DLGAP2: variants seen among roughly 807,000 people sequenced by gnomAD.
DLGAP2 encodes disks large-associated protein 2.
Under a neutral mutation model 100.3 loss-of-function variants are expected in DLGAP2, and 26 were observed. The observed-to-expected ratio is 0.26, with a 90% confidence interval of 0.19 to 0.36. DLGAP2 has a LOEUF of 0.36. Ranked by LOEUF, DLGAP2 falls within the 10% of genes least tolerant of loss-of-function variation. DLGAP2 has a pLI of 1.00. For synonymous variants in DLGAP2, 886 were observed against 630.1 expected (o/e 1.41, Z -6.08); for missense variants, 1,858 against 1,453.2 (o/e 1.28, Z -4.53).
At chr8:1,443,007 A>G (rs911304192) in intron 3 of DLGAP2, among the ~76,000 whole-genome samples, 2 of 152,260 alleles carry the variant, frequency 1.3e-5, no homozygotes, top group Admixed American at 6.5e-5. Context: ...TTAAGATTTT[A>G]AAATTAACTT....
chr8:1,407,778 C>T (rs1409833509), intron 3 of DLGAP2, among the ~76,000 whole-genome samples: 3 of 149,186 alleles, frequency 2.0e-5, no homozygotes, highest in Admixed American at 2.0e-4. Flanking sequence ...GCTTACTGAG[C>T]GCCACCTCCT....
intron 1 of DLGAP2, among the ~76,000 whole-genome samples, chr8:900,119 G>A (rs934276688): frequency 1.2e-4 from 18 of 152,126 alleles, no homozygotes; most frequent in African/African-American, 3.4e-4. Context: ...TCCTCTTCAC[G>A]GCGTCGCTCC....
chr8:840,814 G>T (rs940183302), intron 1 of DLGAP2, among the ~76,000 whole-genome samples: 6 of 152,220 alleles, frequency 3.9e-5, no homozygotes, highest in Admixed American at 3.9e-4. Context: ...CCACACTCTC[G>T]ATTCTGTGAA....
intron 2 of DLGAP2, among the ~76,000 whole-genome samples, chr8:1,149,647 G>C (rs999388815): frequency 8.5e-5 from 13 of 152,172 alleles, no homozygotes; most frequent in African/African-American, 2.7e-4. Context: ...TGGTCAGACT[G>C]TATATATTAA....
intron 2 of DLGAP2, among the ~76,000 whole-genome samples, chr8:1,028,424 T>C (rs1346759543): frequency 2.0e-5 from 3 of 149,726 alleles, no homozygotes; most frequent in East Asian, 2.1e-4. Context: ...ATTCTCCAGG[T>C]GGGGTGTCAG....
At chr8:1,576,253 G>A (rs1802972850) in intron 6 of DLGAP2, among the ~76,000 whole-genome samples, 2 of 152,184 alleles carry the variant, frequency 1.3e-5, no homozygotes, top group Non-Finnish European at 2.9e-5. Flanking sequence ...TCTGTTGGCT[G>A]CATAAATGTC....
chr8:744,084 C>A (rs577514292), intron 1 of DLGAP2, among the ~76,000 whole-genome samples: 1 of 152,330 alleles, frequency 6.6e-6, no homozygotes, highest in East Asian at 1.9e-4. Context: ...GTTCTGGTGG[C>A]CGTGGCAGTC....
At chr8:1,304,740 G>A (rs1800450397) in intron 3 of DLGAP2, among the ~76,000 whole-genome samples, 1 of 152,178 alleles carries the variant, frequency 6.6e-6, no homozygotes, top group Non-Finnish European at 1.5e-5. Flanking sequence ...TTTATCGAAA[G>A]CTAAGTACCC....
intron 3 of DLGAP2, among the ~76,000 whole-genome samples, chr8:1,331,710 A>G (rs1801161974): frequency 6.6e-6 from 1 of 152,180 alleles, no homozygotes; most frequent in Non-Finnish European, 1.5e-5. Flanking sequence ...CCACTTATAG[A>G]AGGGTCCTTC....
intron 2 of DLGAP2, among the ~76,000 whole-genome samples, chr8:1,218,458 TTTG>T (rs964968582): frequency 1.4e-4 from 22 of 151,874 alleles, no homozygotes; most frequent in African/African-American, 3.4e-4. Context: ...GTGTCTGGGT[TTTG>T]TTGTTGTTGT....
intron 2 of DLGAP2, among the ~76,000 whole-genome samples, chr8:1,242,825 C>A (rs562519432): frequency 1.3e-5 from 2 of 151,800 alleles, no homozygotes; most frequent in South Asian, 4.2e-4. Context: ...GACAGATGGA[C>A]CGATGGATAG....
At chr8:832,303 A>T (rs1448113327) in intron 1 of DLGAP2, among the ~76,000 whole-genome samples, 1 of 152,174 alleles carries the variant, frequency 6.6e-6, no homozygotes, top group African/African-American at 2.4e-5. Context: ...CTAAGTCCTG[A>T]ATGGTACTGC....
chr8:1,601,265 C>T (rs762060191), intron 6 of DLGAP2, among the ~76,000 whole-genome samples: 2 of 152,190 alleles, frequency 1.3e-5, no homozygotes, highest in Non-Finnish European at 2.9e-5. Context: ...AGAGGGACTC[C>T]TGCCAGATGC....
chr8:764,680 C>T (rs750046361), intron 1 of DLGAP2, among the ~76,000 whole-genome samples: 1 of 152,138 alleles, frequency 6.6e-6, no homozygotes, highest in Non-Finnish European at 1.5e-5. Flanking sequence ...ACCGTAAGTA[C>T]CATAAAACTG....
intron 3 of DLGAP2, among the ~76,000 whole-genome samples, chr8:1,458,719 G>T (rs981441316): frequency 6.6e-6 from 1 of 152,222 alleles, no homozygotes; most frequent in Non-Finnish European, 1.5e-5. Context: ...GACAGGGTTT[G>T]CACACAGCCT....
chr8:1,536,250 G>T (rs534216449), intron 4 of DLGAP2, among the ~76,000 whole-genome samples: 1 of 152,238 alleles, frequency 6.6e-6, no homozygotes, highest in African/African-American at 2.4e-5. Flanking sequence ...TCACCTTCTT[G>T]GAGCAGTAAT....
At chr8:1,214,987 C>G (rs1339046577) in intron 2 of DLGAP2, among the ~76,000 whole-genome samples, 3 of 152,198 alleles carry the variant, frequency 2.0e-5, no homozygotes, top group Non-Finnish European at 4.4e-5. Context: ...GGAGAGCACT[C>G]TGTGCTCTTG....
At chr8:1,037,608 C>G (rs894710250) in intron 2 of DLGAP2, among the ~76,000 whole-genome samples, 1 of 152,208 alleles carries the variant, frequency 6.6e-6, no homozygotes, top group Non-Finnish European at 1.5e-5. Context: ...CTTTTGTTCT[C>G]TACAAAATGT....
In DLGAP2 at chr8:1,668,573, C is replaced by T. The variant is rs1798606917; in HGVS notation, c.2055C>T (p.His685=). ...LALETAAAQR[H]LPESQSSSVR... The stretch of plus-strand genomic sequence containing the variant: ...TGGAAACGGCCGCTGCCCAGCGCCA[C>T]CTGCCAGAGAGCCAGAGCAGCTCTG... Residue 685 remains histidine (H), a synonymous_variant, in exon 9 of 15, where the codon CAC becomes CAT. Transcript: ENST00000637795. 5.0e-6 allele frequency: 8 copies of T among 1,594,422 alleles called. No homozygotes were observed. Among genetic ancestry groups the T allele is most frequent in the Middle Eastern group, 1.7e-4 (1 of 6,044 alleles).
Sources: gnomAD v4.1 joint callset for allele counts (sites outside exome capture counted in the v4.1 genomes callset) on GRCh38, gnomAD v4.1.1 for gene constraint, MANE v1.5 for transcripts, NCBI Gene and HGNC (gene_info 2026-07-23, HGNC 2026-07-21) for gene names.